Variants in SAA4 observed in about 807,000 individuals in gnomAD.
SAA4 encodes serum amyloid A-4 protein.
A neutral mutation model predicts 11.2 loss-of-function variants in SAA4; 8 were observed. The ratio of observed to expected loss-of-function variants is 0.71; its 90% CI spans 0.42 to 1.29. The LOEUF is 1.29. Among genes scored for constraint, SAA4 ranks in the 50% most tolerant of loss-of-function variants. SAA4 has a pLI of 0.01. For missense variants in SAA4, 171 were observed against 164.2 expected, an observed-to-expected ratio of 1.04 and a Z score of -0.23; for synonymous variants, 60 against 56.2, an observed-to-expected ratio of 1.07 and a Z score of -0.30.
chr11:18,231,772 G>C, intron 3 of SAA4, 108 bp from the exon 4 acceptor site: 1 of 1,387,764 alleles, frequency 7.2e-7, no homozygotes, highest in Non-Finnish European at 9.6e-7. Flanking sequence ...AGTAATGACT[G>C]AGAGGAGGCT....
At chr11:18,233,875 T>C (rs1857171382) in intron 2 of SAA4, among the ~76,000 whole-genome samples, 1 of 152,118 alleles carries the variant, frequency 6.6e-6, no homozygotes, top group Admixed American at 6.6e-5. Context: ...TGCTGGTATC[T>C]ACGAAAGCTA....
chr11:18,235,125 C>T lies in SAA4; in HGVS notation c.91+711G>A, dbSNP rs143652635. 3.3e-3 allele frequency among the ~76,000 whole-genome samples: 500 copies of T among 152,178 alleles called. 3 individuals carry two copies. Among genetic ancestry groups the T allele is most frequent in the African/African-American group, 0.012 (482 of 41,518 alleles). ...TTATAGAATATCATTTTTAAAAGCACAAAATGCAGAAAAAATGAAAATTTA... is the reference window on the plus strand; with the variant it reads ...TTATAGAATATCATTTTTAAAAGCATAAAATGCAGAAAAAATGAAAATTTA... On this transcript the variant is annotated intron_variant, in intron 2 of 3. Transcript: ENST00000278222.
chr11:18,236,451 G>A (rs1857215474), intron 1 of SAA4, among the ~76,000 whole-genome samples: 1 of 152,138 alleles, frequency 6.6e-6, no homozygotes, highest in Non-Finnish European at 1.5e-5. Flanking sequence ...GTTTTAAGAA[G>A]AAGCATAAAC....
chr11:18,231,678 A>T lies in SAA4; in HGVS notation c.231-14T>A, dbSNP rs1857137275. 1 of 1,605,722 alleles carries T rather than the reference A, an allele frequency of 6.2e-7. No individual in the cohort carries two copies. The highest frequency in any genetic ancestry group is 1.7e-5 in the Admixed American group (1 of 58,656). On this transcript the variant is annotated splice_polypyrimidine_tract_variant and intron_variant, in intron 3 of 3. Coordinates refer to ENST00000278222, the MANE Select transcript of SAA4 (RefSeq NM_006512.4). ...ACCCTGGAACGGCTGCAACCCAAAG[A>T]AAGGAGACAGGAGATTAATCTCTTG...
At position 18,234,346 on chromosome 11, in the gene SAA4, G is replaced by A. The variant is rs1857181051; in HGVS notation, c.91+1490C>T. 2.0e-5 allele frequency among the ~76,000 whole-genome samples: 3 copies of A among 152,220 alleles called. 1 individual carries two copies. Among genetic ancestry groups the A allele is most frequent in the Admixed American group, 2.0e-4 (3 of 15,276 alleles). On this transcript the variant is annotated intron_variant, in intron 2 of 3. Coordinates refer to ENST00000278222, the MANE Select transcript of SAA4 (RefSeq NM_006512.4). Reference sequence around the variant, plus strand: ...TGTGAAATGTTTGACATCTTGATCTGATGGTGTAATATGGATGTTTGTATG... The same window carrying A: ...TGTGAAATGTTTGACATCTTGATCTAATGGTGTAATATGGATGTTTGTATG...
chr11:18,236,003 C>A lies in SAA4; in HGVS notation c.-4-73G>T. ...GATCTATGTTTTGAGGACTGAATTT[C>A]TTTCCTTTTTTTCTTTCTTTTTTTC... On this transcript the variant is annotated intron_variant, in intron 1 of 3. Coordinates refer to ENST00000278222, the MANE Select transcript of SAA4 (RefSeq NM_006512.4). 7.2e-6 allele frequency: 10 copies of A among 1,382,822 alleles called. No individual in the cohort carries two copies. In the African/African-American group the frequency reaches 7.5e-5, roughly 10 times the overall value. 85.7% of individuals were successfully genotyped at this position (1,382,822 alleles called of 1,614,324 possible).
chr11:18,234,422 A>C (rs1052173352), intron 2 of SAA4, among the ~76,000 whole-genome samples: 2 of 152,226 alleles, frequency 1.3e-5, no homozygotes, highest in Non-Finnish European at 2.9e-5. Context: ...GTTATATATC[A>C]TTTTAAAGTT....
chr11:18,231,544 G>A lies in SAA4; in HGVS notation c.351C>T (p.Asp117=). Residue 117 remains aspartate (D), a synonymous_variant, in exon 4 of 4, where the codon GAC becomes GAT. Transcript: ENST00000278222. ...GGCCGTCAGGTCTGAAGCGGTCGGG[G>A]TCTTTGCCACTCCGGCCCCATTCCT... ...KAEEWGRSGK[D]PDRFRPDGLP... 1 of 1,614,022 alleles carries A rather than the reference G, an allele frequency of 6.2e-7. No homozygotes were observed. The highest frequency in any genetic ancestry group is 8.5e-7 in the Non-Finnish European group (1 of 1,180,018).
intron 2 of SAA4, among the ~76,000 whole-genome samples, chr11:18,233,121 C>T (rs113351672): frequency 0.019 from 2,904 of 152,186 alleles, 94 homozygotes; most frequent in African/African-American, 0.067. Flanking sequence ...ACAAGAAAGC[C>T]GAGGGAATGG....
In SAA4 at chr11:18,235,922, C is replaced by A. The variant is rs1226833727; in HGVS notation, c.5G>T (p.Arg2Met). 6.2e-7 allele frequency: 1 copy of A among 1,612,202 alleles called. No homozygotes were observed. The highest frequency in any genetic ancestry group is 8.5e-7 in the Non-Finnish European group (1 of 1,179,188). ...GCAGAAAACAATGCCTGTGAAAAGC[C>A]TCATTGTGCTGAAGAGAAAGAAAGA... Reference protein sequence around the residue: MRLFTGIVFCSL... With the variant: MMLFTGIVFCSL... Residue 2 changes from arginine (R) to methionine (M), a missense_variant, in exon 2 of 4, where the codon AGG becomes ATG. Coordinates refer to ENST00000278222, the MANE Select transcript of SAA4 (RefSeq NM_006512.4).
At chr11:18,236,339 G>T (rs188126054) in intron 1 of SAA4, among the ~76,000 whole-genome samples, 70 of 151,532 alleles carry the variant, frequency 4.6e-4, no homozygotes, top group Admixed American at 2.0e-3. Flanking sequence ...AAGGATTACA[G>T]GCATGAGCCA....
intron 2 of SAA4, among the ~76,000 whole-genome samples, chr11:18,235,250 AT>A (rs1857191913): frequency 2.0e-5 from 3 of 152,240 alleles, no homozygotes; most frequent in African/African-American, 7.2e-5. Flanking sequence ...TAGTTTTCCC[AT>A]TTTAACAGCT....
Position 18,232,492 on chromosome 11 carries a change from A to G in SAA4, c.133T>C (p.Ser45Pro). The change falls in exon 3 of 4, where the codon TCC (serine) becomes CCC (proline). Residue 45 changes from serine to proline, a missense_variant. Transcript: ENST00000278222. Reference protein sequence around the residue: ...MGRAYWDIMISNHQNSNRYLY... With the variant: ...MGRAYWDIMIPNHQNSNRYLY... ...TATCTGTTTGAATTTTGGTGATTGG[A>G]TATCATTATGTCCCAATAGGCTCTG... The G allele has an allele frequency of 6.2e-7, 1 of 1,614,148 alleles. No individual in the cohort carries two copies. The highest frequency in any genetic ancestry group is 2.2e-5 in the East Asian group (1 of 44,878).
chr11:18,232,518 C>T lies in SAA4; in HGVS notation c.107G>A (p.Gly36Asp). The T allele has an allele frequency of 1.2e-6, 2 of 1,613,926 alleles. No individual in the cohort carries two copies. The highest frequency in any genetic ancestry group is 1.7e-6 in the Non-Finnish European group (2 of 1,179,934). ...TATCATTATGTCCCAATAGGCTCTG[C>T]CCATGTCCCCAACCCCTGGAAAGAA... ...KEALQGVGDM[G>D]RAYWDIMISN... Residue 36 changes from glycine (G) to aspartate (D), a missense_variant, in exon 3 of 4, where the codon GGC becomes GAC. Coordinates refer to ENST00000278222, the MANE Select transcript of SAA4 (RefSeq NM_006512.4).
Position 18,232,420 on chromosome 11 carries a change from C to T in SAA4, c.205G>A (p.Gly69Ser). 6.2e-7 allele frequency: 1 copy of T among 1,614,126 alleles called. No homozygotes were observed. The highest frequency in any genetic ancestry group is 8.5e-7 in the Non-Finnish European group (1 of 1,180,018). ...NYDAAQRGPG[G>S]VWAAKLISRS... is the part of the protein sequence containing the mutation. ...CTGATGAGTTTAGCAGCCCAGACAC[C>T]CCCAGGTCCTCTTTGGGCAGCATCA... The change falls in exon 3 of 4, where the codon GGT becomes AGT. Residue 69 changes from glycine to serine, a missense_variant. By Grantham distance (56) the Gly-to-Ser change is moderately conservative (BLOSUM62 0). Coordinates refer to ENST00000278222, the MANE Select transcript of SAA4 (RefSeq NM_006512.4).
intron 1 of SAA4, 30 bp from the exon 2 acceptor site, chr11:18,235,960 A>T (rs764043068): frequency 1.3e-6 from 2 of 1,560,022 alleles, no homozygotes; most frequent in African/African-American, 1.4e-5. Flanking sequence ...GGGGCAGAGG[A>T]TCATAAAAAA....
Position 18,235,865 on chromosome 11 carries a change from C to T in SAA4, c.62G>A (p.Trp21Ter). The part of the protein sequence containing the change: ...SLVMGVTSES[W>*]RSFFKEALQG... ...GAGAGCCTCCTTGAAAAACGAACGCCAGCTTTCACTGGTGACTCCCATGAC... is the reference window on the plus strand; with the variant it reads ...GAGAGCCTCCTTGAAAAACGAACGCTAGCTTTCACTGGTGACTCCCATGAC... Residue 21 changes from tryptophan (W) to a stop codon, truncating the protein, a stop_gained, in exon 2 of 4, where the codon TGG (tryptophan) becomes TAG (stop). Transcript: ENST00000278222. LOFTEE classifies it high-confidence loss of function. The T allele has an allele frequency of 6.2e-7, 1 of 1,613,818 alleles. No homozygotes were observed. Among genetic ancestry groups the T allele is most frequent in the South Asian group, 1.1e-5 (1 of 91,052 alleles).
chr11:18,232,010 T>C (rs1321040026), intron 3 of SAA4, among the ~76,000 whole-genome samples: 1 of 150,830 alleles, frequency 6.6e-6, no homozygotes, highest in Non-Finnish European at 1.5e-5. Context: ...GCCTCCTGAG[T>C]AGCTGGGACT....
chr11:18,231,414 A>T lies in SAA4; in HGVS notation c.*88T>A. 1.3e-6 allele frequency: 2 copies of T among 1,538,642 alleles called. No homozygotes were observed. Among genetic ancestry groups the T allele is most frequent in the Non-Finnish European group, 1.7e-6 (2 of 1,147,504 alleles). On this transcript the variant is annotated 3_prime_UTR_variant, in exon 4 of 4. Coordinates refer to ENST00000278222, the MANE Select transcript of SAA4 (RefSeq NM_006512.4). Reference sequence around the variant, plus strand: ...GTGCCCTATACCAGTTCCTGGGGACACAAAGCTCAGTGACCCTGTGTCCCT... The same window carrying T: ...GTGCCCTATACCAGTTCCTGGGGACTCAAAGCTCAGTGACCCTGTGTCCCT...
Sources: allele counts gnomAD v4.1 joint callset (sites outside exome capture counted in the v4.1 genomes callset), GRCh38; gene constraint gnomAD v4.1.1; transcripts MANE v1.5; gene names NCBI Gene and HGNC (gene_info 2026-07-23, HGNC 2026-07-21).